ZCWPW1: variants seen among roughly 807,000 people sequenced by gnomAD.
The protein encoded by ZCWPW1 is zinc finger CW-type and PWWP domain containing 1, also known as zinc finger CW-type PWWP domain protein 1.
Under a neutral mutation model 81.3 loss-of-function variants are expected in ZCWPW1, and 56 were observed. The ratio of observed to expected loss-of-function variants is 0.69; its 90% CI spans 0.56 to 0.86. The LOEUF is 0.86. Ranked by LOEUF, ZCWPW1 falls within the 40% of genes least tolerant of loss-of-function variation. ZCWPW1 has a pLI of 0.00. For synonymous variants in ZCWPW1, 250 were observed against 273.7 expected (o/e 0.91, Z 0.86); for missense variants, 650 against 769.8 (o/e 0.84, Z 1.84).
At chr7:100,424,570 T>A (rs908440613) in intron 2 of ZCWPW1, among the ~76,000 whole-genome samples, 4 of 152,118 alleles carry the variant, frequency 2.6e-5, no homozygotes, top group African/African-American at 9.7e-5. Flanking sequence ...CAAGCGATTC[T>A]CCTGCCTCAG....
chr7:100,425,887 C>T (rs1797229622), intron 1 of ZCWPW1, among the ~76,000 whole-genome samples: 1 of 152,144 alleles, frequency 6.6e-6, no homozygotes. Context: ...ATGTTAGTAT[C>T]AACAGATACA....
chr7:100,405,810 A>G (rs1343984543), intron 12 of ZCWPW1, among the ~76,000 whole-genome samples: 1 of 152,122 alleles, frequency 6.6e-6, no homozygotes, highest in Non-Finnish European at 1.5e-5. Flanking sequence ...GTATTTTAGT[A>G]GAGACGGGGT....
intron 8 of ZCWPW1, among the ~76,000 whole-genome samples, chr7:100,411,219 G>A (rs1318713382): frequency 6.6e-6 from 1 of 151,468 alleles, no homozygotes; most frequent in African/African-American, 2.4e-5. Flanking sequence ...AAGTTGACGT[G>A]CATTTGGGTC....
At chr7:100,407,684 C>A (rs900711709) in intron 10 of ZCWPW1, among the ~76,000 whole-genome samples, 1 of 152,114 alleles carries the variant, frequency 6.6e-6, no homozygotes, top group Non-Finnish European at 1.5e-5. Context: ...TGAGTCACTG[C>A]GCTCAGCCAG....
intron 12 of ZCWPW1, 104 bp from the exon 13 acceptor site, chr7:100,405,197 A>T: frequency 7.7e-6 from 8 of 1,039,530 alleles, no homozygotes; most frequent in Non-Finnish European, 1.1e-5. Flanking sequence ...TGGGAGGCCG[A>T]GTCAGGTAGA....
chr7:100,418,513 C>A (rs1795765414), intron 5 of ZCWPW1, among the ~76,000 whole-genome samples: 1 of 152,070 alleles, frequency 6.6e-6, no homozygotes, highest in Non-Finnish European at 1.5e-5. Context: ...AAACAACAGG[C>A]TGGGTGCAGT....
chr7:100,401,215 G>A lies in ZCWPW1; in HGVS notation c.1749C>T (p.Pro583=), dbSNP rs778725802. 33 of 1,614,132 alleles carry A rather than the reference G, an allele frequency of 2.0e-5. No individual in the cohort carries two copies. The African/African-American group carries it at 3.3e-4, about 16-fold the overall frequency. The change falls in exon 18 of 18, where the codon CCC becomes CCT. Residue 583 remains proline (P), a synonymous_variant. Transcript: ENST00000684423. ...GTCTGGGCTCTTCTTTCGCAGATGA[G>A]GGGCAGGCCCCCTTACACGCTGATA... The part of the protein sequence containing the change: ...LGLSACKGAC[P]SSAKEEPRHR...
chr7:100,412,726 C>T (rs935170642), intron 8 of ZCWPW1, among the ~76,000 whole-genome samples: 3 of 152,012 alleles, frequency 2.0e-5, no homozygotes, highest in Admixed American at 6.6e-5. Flanking sequence ...GGACTACAGG[C>T]GCCCGCTACC....
chr7:100,419,579 G>A (rs745565233), intron 4 of ZCWPW1, 51 bp downstream of exon 4: 5 of 1,555,028 alleles, frequency 3.2e-6, no homozygotes, highest in Admixed American at 4.1e-5. Flanking sequence ...CCTGAGCCAG[G>A]GGTAAGGTAT....
intron 6 of ZCWPW1, 152 bp from the exon 7 acceptor site, chr7:100,416,608 C>T (rs1795263706): frequency 1.3e-6 from 1 of 745,600 alleles, no homozygotes; most frequent in South Asian, 1.9e-5. Context: ...CCTATTTTTC[C>T]CAACTCAAAC....
At chr7:100,402,387 G>A (rs1201551130) in intron 16 of ZCWPW1, 129 bp downstream of exon 16, 1 of 1,012,190 alleles carries the variant, frequency 9.9e-7, no homozygotes, top group African/African-American at 1.6e-5. Flanking sequence ...CACTATGGGT[G>A]AGTGTTGCCT....
intron 12 of ZCWPW1, among the ~76,000 whole-genome samples, chr7:100,405,398 G>A (rs1341600969): frequency 1.3e-5 from 2 of 151,758 alleles, no homozygotes. Flanking sequence ...CTGAACTCCA[G>A]CCTGGGGGAC....
intron 8 of ZCWPW1, among the ~76,000 whole-genome samples, chr7:100,413,531 T>C (rs1462137875): frequency 2.6e-5 from 4 of 152,244 alleles, no homozygotes; most frequent in Non-Finnish European, 5.9e-5. Flanking sequence ...CTGTACTTAA[T>C]GCAAATTGTA....
At chr7:100,407,586 T>C (rs1170808415) in intron 10 of ZCWPW1, among the ~76,000 whole-genome samples, 2 of 151,906 alleles carry the variant, frequency 1.3e-5, no homozygotes, top group African/African-American at 2.4e-5. Flanking sequence ...AGAGATGGGG[T>C]CTCACTATAT....
intron 1 of ZCWPW1, among the ~76,000 whole-genome samples, chr7:100,427,234 CTCCT>C (rs1454347907): frequency 1.0e-5 from 1 of 97,640 alleles, no homozygotes; most frequent in Non-Finnish European, 2.1e-5. Flanking sequence ...CCTTCCCTCC[CTCCT>C]TCCTTCCTCC....
intron 2 of ZCWPW1, among the ~76,000 whole-genome samples, chr7:100,421,882 G>T (rs1163082890): frequency 1.3e-5 from 2 of 152,136 alleles, no homozygotes; most frequent in African/African-American, 4.8e-5. Context: ...AGTAGAGACG[G>T]AGTTTCTCCA....
At chr7:100,404,274 C>G (rs745837388) in intron 13 of ZCWPW1, 30 bp from the exon 14 acceptor site, 1 of 1,607,390 alleles carries the variant, frequency 6.2e-7, no homozygotes, top group South Asian at 1.1e-5. Context: ...AAAGCATCAT[C>G]CACTACCCTT....
intron 2 of ZCWPW1, among the ~76,000 whole-genome samples, chr7:100,423,208 G>C (rs1796654089): frequency 6.6e-6 from 1 of 152,122 alleles, no homozygotes; most frequent in African/African-American, 2.4e-5. Context: ...ATGAACCCAG[G>C]ACTTTTGCCT....
At position 100,416,304 on chromosome 7, in the gene ZCWPW1, C is replaced by T. The variant is rs774275324; in HGVS notation, c.631+1G>A. 26 of 1,613,746 alleles carry T rather than the reference C, an allele frequency of 1.6e-5. No individual in the cohort carries two copies. Among genetic ancestry groups the T allele is most frequent in the Admixed American group, 6.7e-5 (4 of 59,958 alleles). Reference sequence around the variant, plus strand: ...TTCAAAGTATATCTGACTGTACTTACGAGCTTCCTTCTTTCTTTTGCTTAA... The same window carrying T: ...TTCAAAGTATATCTGACTGTACTTATGAGCTTCCTTCTTTCTTTTGCTTAA... On this transcript the variant is annotated splice_donor_variant, in intron 7 of 17. Coordinates refer to ENST00000684423, the MANE Select transcript of ZCWPW1 (RefSeq NM_001386010.1). LOFTEE classifies it high-confidence loss of function.
Sources: gnomAD v4.1 joint callset for allele counts (sites outside exome capture counted in the v4.1 genomes callset) on GRCh38, gnomAD v4.1.1 for gene constraint, MANE v1.5 for transcripts, NCBI Gene and HGNC (gene_info 2026-07-23, HGNC 2026-07-21) for gene names.